Variants in CENPN observed in about 807,000 individuals in gnomAD.
CENPN encodes the protein interphase centromere complex protein 32.
A neutral mutation model predicts 48.6 loss-of-function variants in CENPN; 36 were observed. The observed-to-expected ratio is 0.74, with a 90% CI of 0.57 to 0.98. The LOEUF (loss-of-function observed/expected upper bound fraction) is 0.98. CENPN is among the 50% of genes least tolerant of loss of function. CENPN has a pLI of 0.00. For missense variants in CENPN, 439 were observed against 399.2 expected (o/e 1.10, Z -0.85); for synonymous variants, 166 against 135.2 (o/e 1.23, Z -1.58).
Position 81,014,273 on chromosome 16 carries a change from C to T in CENPN, c.217+92C>T, listed in dbSNP as rs191224130. On this transcript the variant is annotated intron_variant, in intron 3 of 10. Transcript: ENST00000305850. ...TTTGTGAGACAGGGTCTCCCTCTGT[C>T]GCCCAGGCTGGAGTGCAGTAACGCC... 4.1e-4 allele frequency: 453 copies of T among 1,092,156 alleles called. 1 individual carries two copies. The African/African-American group carries it at 5.6e-3, about 14-fold the overall frequency. The allele number at this position is 1,092,156 out of a possible 1,614,324, so 67.7% of individuals were successfully genotyped here. A position where few individuals can be genotyped will look rare whatever the true frequency, so the allele number is the denominator to read the frequency against.
At chr16:81,008,525 C>G (rs1361618927) in intron 1 of CENPN, among the ~76,000 whole-genome samples, 1 of 152,074 alleles carries the variant, frequency 6.6e-6, no homozygotes, top group African/African-American at 2.4e-5. Context: ...GTGTGCGTCA[C>G]GACACCCGGC....
chr16:81,031,877 A>G (rs939724322), downstream of CENPN, among the ~76,000 whole-genome samples: 4 of 152,218 alleles, frequency 2.6e-5, no homozygotes, highest in African/African-American at 7.2e-5. Flanking sequence ...TGCTGGGATT[A>G]CAGGTGTGAG....
chr16:81,026,009 C>A (rs1341643559), intron 8 of CENPN, among the ~76,000 whole-genome samples: 1 of 149,816 alleles, frequency 6.7e-6, no homozygotes, highest in African/African-American at 2.5e-5. Flanking sequence ...AGCCGAGACC[C>A]CATCTCTTAA....
At chr16:81,015,967 T>C (rs1969913769) in intron 3 of CENPN, among the ~76,000 whole-genome samples, 1 of 150,338 alleles carries the variant, frequency 6.7e-6, no homozygotes, top group Admixed American at 6.6e-5. Flanking sequence ...ATCACACCAC[T>C]GCACTCCAGC....
intron 3 of CENPN, among the ~76,000 whole-genome samples, chr16:81,015,798 G>A (rs1969907662): frequency 6.6e-6 from 1 of 152,172 alleles, no homozygotes; most frequent in South Asian, 2.1e-4. Context: ...CTGAGGTCAG[G>A]AGTTGGAGAC....
chr16:81,024,378 C>T (rs1219624009), intron 7 of CENPN: 1 of 163,072 alleles, frequency 6.1e-6, no homozygotes, highest in Non-Finnish European at 1.3e-5. Flanking sequence ...GTTATTTTTC[C>T]AATCTCAGTA....
chr16:81,032,845 G>A (rs751236266), downstream of CENPN: 2 of 824,228 alleles, frequency 2.4e-6, no homozygotes, highest in Non-Finnish European at 3.7e-6. Flanking sequence ...AAGCTTGGAT[G>A]TGCACTGACT....
Position 81,026,584 on chromosome 16 carries a change from T to G in CENPN, c.756T>G (p.Thr252=), listed in dbSNP as rs1970506617. Residue 252 remains threonine (T), a synonymous_variant, in exon 9 of 11, where the codon ACT becomes ACG. Coordinates refer to ENST00000305850, the MANE Select transcript of CENPN (RefSeq NM_001100624.3). ...AAAAAGAGAGAGTCCAACGAATAAC[T>G]CAAGAAACATTTGGAGATTATCCTC... is the stretch of plus-strand genomic sequence containing the variant. ...IVEKERVQRI[T]QETFGDYPQP... 6.2e-7 allele frequency: 1 copy of G among 1,607,832 alleles called. No homozygotes were observed. The highest frequency in any genetic ancestry group is 1.1e-5 in the South Asian group (1 of 90,638).
intron 1 of CENPN, among the ~76,000 whole-genome samples, chr16:81,008,635 G>T (rs1420290747): frequency 6.6e-6 from 1 of 152,060 alleles, no homozygotes; most frequent in East Asian, 1.9e-4. Flanking sequence ...GCGCGCTCCC[G>T]GCCCCTCGCC....
At chr16:81,015,179 C>T (rs935301496) in intron 3 of CENPN, among the ~76,000 whole-genome samples, 8 of 152,196 alleles carry the variant, frequency 5.3e-5, no homozygotes, top group African/African-American at 1.9e-4. Context: ...CTCACCTCTC[C>T]TCCCTTCCAT....
chr16:81,009,275 G>C (rs190710947), intron 1 of CENPN, among the ~76,000 whole-genome samples: 3 of 152,326 alleles, frequency 2.0e-5, no homozygotes, highest in African/African-American at 7.2e-5. Context: ...TGGTTGGGTG[G>C]TCAGGATAAG....
chr16:81,010,647 C>T (rs1198749789), intron 1 of CENPN, among the ~76,000 whole-genome samples: 1 of 150,672 alleles, frequency 6.6e-6, no homozygotes, highest in Admixed American at 6.7e-5. Context: ...CATTTGGACT[C>T]TCATCTTTAT....
chr16:81,032,539 CA>C (rs1266622737), downstream of CENPN: 2 of 1,553,120 alleles, frequency 1.3e-6, no homozygotes, highest in Admixed American at 4.1e-5. Flanking sequence ...CGTCTTTTAT[CA>C]GTTGATTTTC....
At position 81,016,593 on chromosome 16, in the gene CENPN, G is replaced by A. The variant is rs565474213; in HGVS notation, c.218-733G>A. ...CCTGGCCAACATGGTGAAACCTCATGTCTACTAAAAATACAAAAAATTAGC... is the reference window on the plus strand; with the variant it reads ...CCTGGCCAACATGGTGAAACCTCATATCTACTAAAAATACAAAAAATTAGC... On this transcript the variant is annotated intron_variant, in intron 3 of 10. Transcript: ENST00000305850. Among the ~76,000 whole-genome samples the A allele has an allele frequency of 7.2e-5, 11 of 152,188 alleles. No individual in the cohort carries two copies. In the South Asian group the frequency reaches 2.3e-3, roughly 32 times the overall value.
In CENPN at chr16:81,028,283, C is replaced by T; in HGVS notation, c.923C>T (p.Ser308Phe). Reference sequence around the variant, plus strand: ...CCACATCTTCTGGAAGCATTGAAATCCTTAGCACCAGCGGGTGAGTGGTCA... The same window carrying T: ...CCACATCTTCTGGAAGCATTGAAATTCTTAGCACCAGCGGGTGAGTGGTCA... Reference protein sequence around the residue: ...SSPHLLEALKSLAPAGIADAP... With the variant: ...SSPHLLEALKFLAPAGIADAP... The change falls in exon 10 of 11, where the codon TCC (serine) becomes TTC (phenylalanine). Residue 308 changes from serine to phenylalanine, a missense_variant. Transcript: ENST00000305850. 1 of 1,614,108 alleles carries T rather than the reference C, an allele frequency of 6.2e-7. No homozygotes were observed. Among genetic ancestry groups the T allele is most frequent in the Non-Finnish European group, 8.5e-7 (1 of 1,179,982 alleles).
chr16:81,020,242 C>A lies in CENPN; in HGVS notation c.497C>A (p.Ser166Tyr). 1 of 1,613,692 alleles carries A rather than the reference C, an allele frequency of 6.2e-7. No homozygotes were observed. The highest frequency in any genetic ancestry group is 2.2e-5 in the East Asian group (1 of 44,888). ...ACTCCGTACGCCTTCACGTCCTCCT[C>A]CATGCTGAGGCGCAATACACCGCTT... ...SQTPYAFTSS[S>Y]MLRRNTPLLG... is the part of the protein sequence containing the mutation. The change falls in exon 6 of 11, where the codon TCC (serine) becomes TAC (tyrosine). Residue 166 changes from serine (S) to tyrosine (Y), a missense_variant. Coordinates refer to ENST00000305850, the MANE Select transcript of CENPN (RefSeq NM_001100624.3).
Position 81,026,647 on chromosome 16 carries a change from T to C in CENPN, c.810+9T>C, listed in dbSNP as rs777703184. The C allele has an allele frequency of 1.6e-5, 21 of 1,351,734 alleles. No individual in the cohort carries two copies. Among genetic ancestry groups the C allele is most frequent in the Non-Finnish European group, 1.5e-5 (14 of 954,136 alleles). 83.7% of individuals were successfully genotyped at this position (1,351,734 alleles called of 1,614,324 possible). A position where few individuals can be genotyped will look rare whatever the true frequency, so the allele number is the denominator to read the frequency against. On this transcript the variant is annotated intron_variant, in intron 9 of 10. Coordinates refer to ENST00000305850, the MANE Select transcript of CENPN (RefSeq NM_001100624.3). ...AATTTGCACAATATAAGGTAAGATG[T>C]CGTAATAAATATTAAGTACAAGATA...
downstream of CENPN, chr16:81,032,989 GA>G: frequency 4.6e-6 from 1 of 216,310 alleles, no homozygotes; most frequent in Non-Finnish European, 9.1e-6. Context: ...ATCAAAAAAG[GA>G]AAATGTGAAA....
chr16:81,017,424 G>C, intron 4 of CENPN, 39 bp downstream of exon 4: 2 of 1,406,278 alleles, frequency 1.4e-6, no homozygotes, highest in Non-Finnish European at 2.0e-6. Flanking sequence ...TTGATAGTTT[G>C]GCTTGGACTC....
Sources: gnomAD v4.1 joint callset for allele counts (sites outside exome capture counted in the v4.1 genomes callset) on GRCh38, gnomAD v4.1.1 for gene constraint, MANE v1.5 for transcripts, NCBI Gene and HGNC (gene_info 2026-07-23, HGNC 2026-07-21) for gene names.